CSMD3: variants seen among roughly 807,000 people sequenced by gnomAD.
CSMD3 encodes the protein CUB and Sushi multiple domains 3, also known as CUB and sushi domain-containing protein 3.
CSMD3 carries 177 observed loss-of-function variants against 435.2 expected under a neutral mutation model. The observed-to-expected ratio is 0.41, with a 90% CI of 0.36 to 0.46. The LOEUF is 0.46. Among genes scored for constraint, CSMD3 ranks in the 20% least tolerant of loss-of-function variants. The pLI is 0.34. For missense variants in CSMD3, 4,265 were observed against 4,504.6 expected (o/e 0.95, Z 1.52); for synonymous variants, 1,656 against 1,520.5 (o/e 1.09, Z -2.07).
In CSMD3 at chr8:112,979,685, A is replaced by G. The variant is rs139742445; in HGVS notation, c.1031-3537T>C. Among the ~76,000 whole-genome samples the G allele has an allele frequency of 6.7e-3, 1,011 of 151,648 alleles. 12 individuals carry two copies. The highest frequency in any genetic ancestry group is 0.023 in the African/African-American group (970 of 41,520). ...TTAGGTAAGCATTGTCTGACAGCAC[A>G]GTTAAATGTATATATTACAAGACAT... On this transcript the variant is annotated intron_variant, in intron 6 of 70. Transcript: ENST00000297405.
Position 112,390,535 on chromosome 8 carries a change from T to C in CSMD3, c.5934+129A>G, listed in dbSNP as rs1830319745. 3.9e-6 allele frequency: 3 copies of C among 764,660 alleles called. No individual in the cohort carries two copies. In the South Asian group the frequency reaches 4.7e-5, roughly 12 times the overall value. 47.4% of individuals were successfully genotyped at this position (764,660 alleles called of 1,614,324 possible). On this transcript the variant is annotated intron_variant, in intron 36 of 70. Coordinates refer to ENST00000297405, the MANE Select transcript of CSMD3 (RefSeq NM_198123.2). ...TGAAAAAAATTAATAACAAATATCT[T>C]TCTATTCATTTCAACCATGTCAGTC...
intron 13 of CSMD3, among the ~76,000 whole-genome samples, chr8:112,789,149 T>C (rs1308529523): frequency 1.3e-5 from 2 of 152,080 alleles, no homozygotes; most frequent in Non-Finnish European, 2.9e-5. Context: ...CTTTCTTGGC[T>C]CAGTGCTAAG....
At chr8:113,402,786 T>C (rs1477851947) in intron 1 of CSMD3, among the ~76,000 whole-genome samples, 1 of 151,372 alleles carries the variant, frequency 6.6e-6, no homozygotes, top group African/African-American at 2.4e-5. Context: ...AAAGGTAAGA[T>C]ATTAGTATAA....
At chr8:112,463,648 C>G (rs1288823980) in intron 32 of CSMD3, among the ~76,000 whole-genome samples, 1 of 152,168 alleles carries the variant, frequency 6.6e-6, no homozygotes, top group African/African-American at 2.4e-5. Flanking sequence ...CAAAGTGACC[C>G]TGTTGTATGT....
chr8:112,520,309 T>A (rs2131008417), intron 27 of CSMD3, among the ~76,000 whole-genome samples: 1 of 152,150 alleles, frequency 6.6e-6, no homozygotes, highest in African/African-American at 2.4e-5. Flanking sequence ...CCTTACAAAG[T>A]GGTATTTTCA....
At chr8:112,275,665 A>T (rs1391347987) in intron 59 of CSMD3, among the ~76,000 whole-genome samples, 1 of 152,216 alleles carries the variant, frequency 6.6e-6, no homozygotes, top group African/African-American at 2.4e-5. Context: ...CAGGCAAGAA[A>T]GAATGAGAAC....
intron 68 of CSMD3, among the ~76,000 whole-genome samples, chr8:112,232,652 A>C (rs1343116747): frequency 6.6e-6 from 1 of 152,250 alleles, no homozygotes; most frequent in African/African-American, 2.4e-5. Context: ...TGAGGGTTAC[A>C]TATATGTGCA....
At chr8:112,226,703 A>T (rs954082032) in intron 70 of CSMD3, among the ~76,000 whole-genome samples, 2 of 152,168 alleles carry the variant, frequency 1.3e-5, no homozygotes, top group Non-Finnish European at 2.9e-5. Context: ...AACTCTTACA[A>T]CCAAATAAGA....
intron 61 of CSMD3, 61 bp from the exon 62 acceptor site, chr8:112,255,488 T>G: frequency 7.1e-7 from 1 of 1,409,324 alleles, no homozygotes; most frequent in Non-Finnish European, 1.0e-6. Flanking sequence ...GTACACAGTT[T>G]GGAAAAATGG....
At chr8:112,570,512 C>T (rs1300388589) in intron 24 of CSMD3, among the ~76,000 whole-genome samples, 1 of 152,092 alleles carries the variant, frequency 6.6e-6, no homozygotes, top group African/African-American at 2.4e-5. Context: ...TATCCAAAGT[C>T]AGTAGGACAT....
At chr8:113,426,035 A>G (rs2130004567) in intron 1 of CSMD3, among the ~76,000 whole-genome samples, 1 of 151,588 alleles carries the variant, frequency 6.6e-6, no homozygotes, top group Non-Finnish European at 1.5e-5. Context: ...GGTCACTTAG[A>G]GTATGGAATC....
chr8:113,265,669 CT>C (rs1055218622), intron 3 of CSMD3, among the ~76,000 whole-genome samples: 3 of 151,328 alleles, frequency 2.0e-5, no homozygotes, highest in Admixed American at 1.3e-4. Flanking sequence ...TTGTAAGTTT[CT>C]TTATTTTGAA....
intron 1 of CSMD3, among the ~76,000 whole-genome samples, chr8:113,327,358 T>C (rs183590462): frequency 2.0e-5 from 3 of 152,240 alleles, no homozygotes; most frequent in East Asian, 3.9e-4. Context: ...AAGCAACAAA[T>C]ATACTGGCAA....
intron 23 of CSMD3, among the ~76,000 whole-genome samples, chr8:112,583,278 G>C (rs532651622): frequency 6.6e-6 from 1 of 151,902 alleles, no homozygotes; most frequent in Non-Finnish European, 1.5e-5. Flanking sequence ...AATGAGGAGA[G>C]AGGAGATGTG....
intron 2 of CSMD3, among the ~76,000 whole-genome samples, chr8:113,289,412 A>G (rs1424792285): frequency 1.3e-5 from 2 of 148,812 alleles, no homozygotes; most frequent in Admixed American, 6.7e-5. Context: ...TATCATTGCT[A>G]TGACTTTTGA....
intron 3 of CSMD3, among the ~76,000 whole-genome samples, chr8:113,257,996 A>C (rs2093397356): frequency 6.6e-6 from 1 of 152,238 alleles, no homozygotes; most frequent in Non-Finnish European, 1.5e-5. Context: ...AAAAAAGGTC[A>C]ACTGCACAAT....
chr8:112,586,244 T>G (rs552988993), intron 23 of CSMD3, among the ~76,000 whole-genome samples: 1 of 151,650 alleles, frequency 6.6e-6, no homozygotes, highest in Admixed American at 6.6e-5. Context: ...TTTCAAGATT[T>G]GTGAAAACAG....
At chr8:113,358,757 TGCTTCTAA>T (rs2094251085) in intron 1 of CSMD3, among the ~76,000 whole-genome samples, 1 of 151,928 alleles carries the variant, frequency 6.6e-6, no homozygotes, top group South Asian at 2.1e-4. Context: ...TACTGTATAA[TGCTTCTAA>T]AGAAGCATCT....
intron 24 of CSMD3, among the ~76,000 whole-genome samples, chr8:112,573,144 CA>C (rs1196452326): frequency 2.0e-5 from 3 of 152,042 alleles, no homozygotes; most frequent in Non-Finnish European, 4.4e-5. Flanking sequence ...TGCATCTTTG[CA>C]GTTCAAGATG....
Sources: allele counts gnomAD v4.1 joint callset (sites outside exome capture counted in the v4.1 genomes callset), GRCh38; gene constraint gnomAD v4.1.1; transcripts MANE v1.5; gene names NCBI Gene and HGNC (gene_info 2026-07-23, HGNC 2026-07-21).